The following NEDD4L variants were observed in gnomAD, a reference collection of about 807,000 sequenced individuals.
The protein encoded by NEDD4L is E3 ubiquitin-protein ligase NEDD4-like.
A neutral mutation model predicts 148.9 loss-of-function variants in NEDD4L; 54 were observed. The ratio of observed to expected loss-of-function variants is 0.36; its 90% CI spans 0.29 to 0.45. The LOEUF is 0.45. Ranked by LOEUF, NEDD4L falls within the 20% of genes least tolerant of loss-of-function variation. The pLI, the probability that NEDD4L is intolerant of heterozygous loss-of-function variation, is 1.00. For missense variants in NEDD4L, 856 were observed against 1,233.8 expected (o/e 0.69, Z 4.59); for synonymous variants, 433 against 440.7 (o/e 0.98, Z 0.22).
chr18:58,200,555 C>T (rs942621291), intron 2 of NEDD4L, among the ~76,000 whole-genome samples: 3 of 152,150 alleles, frequency 2.0e-5, no homozygotes, highest in East Asian at 3.8e-4. Context: ...ACACTATTTT[C>T]GTATTAAGAT....
intron 1 of NEDD4L, among the ~76,000 whole-genome samples, chr18:58,080,987 C>T (rs2083401047): frequency 6.6e-6 from 1 of 152,062 alleles, no homozygotes; most frequent in Non-Finnish European, 1.5e-5. Context: ...AGCATCGGAA[C>T]TCCAGAAATA....
intron 1 of NEDD4L, among the ~76,000 whole-genome samples, chr18:58,146,856 A>G (rs2034146694): frequency 6.6e-6 from 1 of 151,968 alleles, no homozygotes; most frequent in South Asian, 2.1e-4. Flanking sequence ...ATAGTTTTTG[A>G]ACAAGGGATC....
intron 2 of NEDD4L, among the ~76,000 whole-genome samples, chr18:58,200,624 G>A (rs1171120065): frequency 1.3e-5 from 2 of 152,200 alleles, no homozygotes; most frequent in Non-Finnish European, 2.9e-5. Flanking sequence ...AAGTACTACT[G>A]GAGATTGTTG....
At position 58,367,808 on chromosome 18, in the gene NEDD4L, A is replaced by C; in HGVS notation, c.2126A>C (p.Tyr709Ser). 6.2e-7 allele frequency: 1 copy of C among 1,613,858 alleles called. No individual in the cohort carries two copies. Among genetic ancestry groups the C allele is most frequent in the Non-Finnish European group, 8.5e-7 (1 of 1,179,742 alleles). The change falls in exon 22 of 31, where the codon TAC becomes TCC. Residue 709 changes from tyrosine (Y) to serine (S), a missense_variant. Physicochemically the swap from Tyr to Ser is moderately radical, Grantham distance 144. This residue lies in a region of NEDD4L where 286 missense variants were observed against 531.8 expected (regional missense o/e 0.54). Coordinates refer to ENST00000400345, the MANE Select transcript of NEDD4L (RefSeq NM_001144967.3). Reference protein sequence around the residue: ...SGLCNEDHLSYFTFIGRVAGL... With the variant: ...SGLCNEDHLSSFTFIGRVAGL... ...CTCTGTAATGAGGATCATTTGTCCT[A>C]CTTCACTTTTATTGGAAGAGTTGCT...
chr18:58,370,035 C>T (rs1238943006), intron 22 of NEDD4L, among the ~76,000 whole-genome samples: 2 of 152,218 alleles, frequency 1.3e-5, no homozygotes, highest in African/African-American at 4.8e-5. Context: ...GCCTGTCTAC[C>T]CGCCCTGGCA....
intron 1 of NEDD4L, among the ~76,000 whole-genome samples, chr18:58,084,895 A>G (rs1050146190): frequency 1.3e-5 from 2 of 151,544 alleles, no homozygotes; most frequent in South Asian, 2.1e-4. Context: ...GGGTCTTCCT[A>G]TGTTGCCCAG....
At chr18:58,334,372 T>C (rs1457644931) in intron 12 of NEDD4L, among the ~76,000 whole-genome samples, 2 of 152,320 alleles carry the variant, frequency 1.3e-5, no homozygotes, top group South Asian at 2.1e-4. Context: ...TCACCAGGAA[T>C]TGGCTATAAT....
At chr18:58,191,713 A>C (rs1206583495) in intron 2 of NEDD4L, among the ~76,000 whole-genome samples, 1 of 152,198 alleles carries the variant, frequency 6.6e-6, no homozygotes, top group Non-Finnish European at 1.5e-5. Context: ...TGCACAGATA[A>C]CAGGCATATA....
chr18:58,149,695 A>C (rs551495937), intron 1 of NEDD4L: 1 of 694,978 alleles, frequency 1.4e-6, no homozygotes, highest in African/African-American at 1.8e-5. Context: ...ATTCATCTTT[A>C]ACATAATTGA....
At chr18:58,327,179 C>T (rs1419818360) in intron 9 of NEDD4L, among the ~76,000 whole-genome samples, 1 of 152,162 alleles carries the variant, frequency 6.6e-6, no homozygotes. Context: ...CTCACTGCAA[C>T]CTCCGCCTCC....
At chr18:58,275,319 G>T (rs1430649493) in intron 5 of NEDD4L, among the ~76,000 whole-genome samples, 2 of 152,122 alleles carry the variant, frequency 1.3e-5, no homozygotes, top group Non-Finnish European at 2.9e-5. Context: ...GAAGAGGAGG[G>T]GTTGGTCTTG....
intron 11 of NEDD4L, among the ~76,000 whole-genome samples, chr18:58,332,046 G>A (rs1731792218): frequency 6.6e-6 from 1 of 152,134 alleles, no homozygotes. Context: ...TAAAACTGTT[G>A]TTATAGAAAC....
intron 1 of NEDD4L, among the ~76,000 whole-genome samples, chr18:58,077,360 T>G (rs949297479): frequency 5.3e-5 from 8 of 151,804 alleles, no homozygotes; most frequent in African/African-American, 1.9e-4. Flanking sequence ...AGAGATAGGC[T>G]TTTGCCATGT....
intron 1 of NEDD4L, among the ~76,000 whole-genome samples, chr18:58,059,595 G>A (rs529056298): frequency 2.6e-5 from 4 of 152,194 alleles, no homozygotes; most frequent in Non-Finnish European, 5.9e-5. Flanking sequence ...TGGAGTGACA[G>A]CAGTGTTAGG....
chr18:58,300,097 C>T (rs2056261746), intron 5 of NEDD4L, among the ~76,000 whole-genome samples: 3 of 152,210 alleles, frequency 2.0e-5, no homozygotes, highest in Non-Finnish European at 1.5e-5. Flanking sequence ...ACTGCTTACT[C>T]ACAGTGTACC....
chr18:58,353,482 T>A (rs974292199), intron 18 of NEDD4L, among the ~76,000 whole-genome samples: 1 of 152,266 alleles, frequency 6.6e-6, no homozygotes, highest in Non-Finnish European at 1.5e-5. Flanking sequence ...AGGATTTGTT[T>A]ACGAGTGCCT....
chr18:58,166,031 A>G (rs1298771575), intron 2 of NEDD4L, among the ~76,000 whole-genome samples, 170 bp downstream of exon 2: 1 of 152,224 alleles, frequency 6.6e-6, no homozygotes, highest in Non-Finnish European at 1.5e-5. Context: ...TGGTTCCAGG[A>G]GCACATTTTG....
chr18:58,263,550 G>C (rs1410781766), intron 5 of NEDD4L, among the ~76,000 whole-genome samples: 1 of 151,544 alleles, frequency 6.6e-6, no homozygotes, highest in Non-Finnish European at 1.5e-5. Flanking sequence ...TCTTCTATTG[G>C]TCATTCGAGA....
chr18:58,301,719 C>T (rs142350883), intron 5 of NEDD4L, among the ~76,000 whole-genome samples: 3 of 152,228 alleles, frequency 2.0e-5, no homozygotes, highest in East Asian at 1.9e-4. Flanking sequence ...GTCTGTGAAT[C>T]GTACGGTAGA....
Sources: gnomAD v4.1 joint callset for allele counts (sites outside exome capture counted in the v4.1 genomes callset) on GRCh38, gnomAD v4.1.1 for gene constraint, gnomAD v4.1.1 regional missense constraint, MANE v1.5 for transcripts, NCBI Gene and HGNC (gene_info 2026-07-23, HGNC 2026-07-21) for gene names.